The following TUSC3 variants were observed in gnomAD, a reference collection of about 807,000 sequenced individuals.
TUSC3 encodes dolichyl-diphosphooligosaccharide--protein glycosyltransferase subunit TUSC3.
In TUSC3, 45 loss-of-function variants were observed where a neutral mutation model predicts 44.8. That is an observed-to-expected ratio of 1.00 (90% CI 0.79 to 1.29). The LOEUF (loss-of-function observed/expected upper bound fraction) is 1.29, where lower values mean the gene tolerates loss of function less well. Ranked by LOEUF, TUSC3 falls within the 50% of genes most tolerant of loss-of-function variation. TUSC3 has a pLI of 0.00. For missense variants in TUSC3, 519 were observed against 437.9 expected (o/e 1.19, Z -1.65); for synonymous variants, 212 against 152.9 (o/e 1.39, Z -2.85).
intron 1 of TUSC3, among the ~76,000 whole-genome samples, chr8:15,472,358 CTT>C (rs1444090795): frequency 6.6e-6 from 1 of 152,156 alleles, no homozygotes; most frequent in Admixed American, 6.5e-5. Flanking sequence ...ATTTCTGAAA[CTT>C]TTCTATCTAG....
chr8:15,618,408 TC>T (rs1266479315), intron 1 of TUSC3, among the ~76,000 whole-genome samples: 1 of 152,238 alleles, frequency 6.6e-6, no homozygotes, highest in Non-Finnish European at 1.5e-5. Context: ...TAAGCTTTTT[TC>T]TGATTTTTTA....
chr8:15,570,172 C>CA (rs1476534663), intron 1 of TUSC3, among the ~76,000 whole-genome samples: 1 of 151,602 alleles, frequency 6.6e-6, no homozygotes. Flanking sequence ...TCTGATTTTG[C>CA]ATGTTATATG....
chr8:15,733,021 CAT>C (rs1461372223), intron 7 of TUSC3, among the ~76,000 whole-genome samples: 1 of 152,136 alleles, frequency 6.6e-6, no homozygotes, highest in East Asian at 1.9e-4. Flanking sequence ...TAGTTTGTCT[CAT>C]AGACTGGAAC....
chr8:15,806,867 A>G, the TUSC3 span: 7 of 1,121,886 alleles, frequency 6.2e-6, no homozygotes, highest in South Asian at 1.2e-5. Context: ...AGTTAATGAA[A>G]TAATTATGTT....
chr8:15,604,407 C>G (rs1026936918), intron 1 of TUSC3, among the ~76,000 whole-genome samples: 1 of 151,638 alleles, frequency 6.6e-6, no homozygotes, highest in African/African-American at 2.4e-5. Context: ...TGATAATTGT[C>G]ATTGATGAGT....
At chr8:15,686,234 C>G (rs1486724714) in intron 6 of TUSC3, among the ~76,000 whole-genome samples, 1 of 152,026 alleles carries the variant, frequency 6.6e-6, no homozygotes, top group African/African-American at 2.4e-5. Context: ...AAGCAATAAT[C>G]TTTAACAATA....
intron 1 of TUSC3, among the ~76,000 whole-genome samples, chr8:15,465,467 T>A (rs75480670): frequency 0.051 from 7,778 of 152,250 alleles, 272 homozygotes; most frequent in South Asian, 0.11. Flanking sequence ...ATGATCTCAG[T>A]CTATACCAAC....
rs117179019 is a variant in TUSC3, at chr8:15,662,690, A to G, written c.708+394A>G. On this transcript the variant is annotated intron_variant, in intron 5 of 10. Coordinates refer to ENST00000503731, the MANE Select transcript of TUSC3 (RefSeq NM_006765.4). ...TTCTTGTGTATCTTCTATGTGACTGATATATGTTAGATACTGGCGATATAA... is the reference window on the plus strand; with the variant it reads ...TTCTTGTGTATCTTCTATGTGACTGGTATATGTTAGATACTGGCGATATAA... 2.7e-3 allele frequency among the ~76,000 whole-genome samples: 408 copies of G among 152,018 alleles called. 18 individuals are homozygous for G. In the East Asian group the frequency reaches 0.074, roughly 27 times the overall value.
chr8:15,729,850 T>C (rs1451079384), intron 6 of TUSC3, among the ~76,000 whole-genome samples: 2 of 151,568 alleles, frequency 1.3e-5, no homozygotes, highest in Non-Finnish European at 2.9e-5. Context: ...ATGTACCCCC[T>C]GAAAAAGTTT....
chr8:15,648,332 C>G (rs1159503531), intron 2 of TUSC3, among the ~76,000 whole-genome samples: 1 of 152,030 alleles, frequency 6.6e-6, no homozygotes, highest in Non-Finnish European at 1.5e-5. Flanking sequence ...TACCCATGAA[C>G]AAAGCAGTCT....
At chr8:15,752,136 A>T (rs961605712) in intron 9 of TUSC3, among the ~76,000 whole-genome samples, 2 of 152,088 alleles carry the variant, frequency 1.3e-5, no homozygotes, top group African/African-American at 4.8e-5. Context: ...GGTGAGAAAG[A>T]TCACTGTGGG....
intron 1 of TUSC3, among the ~76,000 whole-genome samples, chr8:15,569,376 TAATC>T (rs747776709): frequency 4.1e-4 from 62 of 152,162 alleles, no homozygotes; most frequent in Admixed American, 1.4e-3. Context: ...ATTGAGGTGA[TAATC>T]AGAGAGTTTC....
intron 2 of TUSC3, among the ~76,000 whole-genome samples, chr8:15,523,708 G>GTATATATATATA (rs71211051): frequency 5.3e-5 from 6 of 112,496 alleles, no homozygotes; most frequent in African/African-American, 2.4e-4. Flanking sequence ...GTGTGTGTGT[G>GTATATATATATA]TATATATATA....
intron 1 of TUSC3, among the ~76,000 whole-genome samples, chr8:15,548,921 C>T (rs1801962906): frequency 6.6e-6 from 1 of 151,690 alleles, no homozygotes; most frequent in Admixed American, 6.6e-5. Flanking sequence ...TATTAAAAAG[C>T]ATCTGTGCAT....
chr8:15,831,282 A>C, the TUSC3 span, among the ~76,000 whole-genome samples: 5 of 152,330 alleles, frequency 3.3e-5, no homozygotes, highest in East Asian at 9.6e-4. Flanking sequence ...ATAGGATAAA[A>C]GAAAAGAAAA....
chr8:15,446,398 G>A (rs907813805), intron 1 of TUSC3, among the ~76,000 whole-genome samples: 19 of 152,068 alleles, frequency 1.2e-4, no homozygotes, highest in Non-Finnish European at 2.2e-4. Context: ...GGAGGTTGTA[G>A]CGAGTCGAGA....
chr8:15,748,622 G>C, intron 9 of TUSC3, 157 bp downstream of exon 9: 2 of 761,604 alleles, frequency 2.6e-6, no homozygotes, highest in Non-Finnish European at 4.8e-6. Context: ...GTTCAGCATA[G>C]TGAAGTACAC....
intron 3 of TUSC3, among the ~76,000 whole-genome samples, chr8:15,655,985 G>C (rs939479476): frequency 3.3e-5 from 5 of 152,072 alleles, no homozygotes; most frequent in African/African-American, 1.2e-4. Flanking sequence ...CCTTTGGAAG[G>C]GCTAACTGCT....
the TUSC3 span, among the ~76,000 whole-genome samples, chr8:15,817,315 C>T: frequency 6.6e-6 from 1 of 150,380 alleles, no homozygotes; most frequent in Non-Finnish European, 1.5e-5. Flanking sequence ...ACTTTGATTT[C>T]TGAACAACCA....
Sources: allele counts gnomAD v4.1 joint callset (sites outside exome capture counted in the v4.1 genomes callset), GRCh38; gene constraint gnomAD v4.1.1; transcripts MANE v1.5; gene names NCBI Gene and HGNC (gene_info 2026-07-23, HGNC 2026-07-21).